Variants in PDE1C observed in about 807,000 individuals in gnomAD.
PDE1C encodes phosphodiesterase 1C.
A neutral mutation model predicts 93.1 loss-of-function variants in PDE1C; 62 were observed. That is an observed-to-expected ratio of 0.67 (90% CI 0.54 to 0.82). PDE1C has a LOEUF of 0.82. Among genes scored for constraint, PDE1C ranks in the 40% least tolerant of loss-of-function variants. The pLI is 0.00. For synonymous variants in PDE1C, 325 were observed against 310.1 expected, an observed-to-expected ratio of 1.05 and a Z score of -0.50; for missense variants, 742 against 884.6, an observed-to-expected ratio of 0.84 and a Z score of 2.04.
At chr7:32,325,404 C>T (rs1470649541) in intron 1 of PDE1C, among the ~76,000 whole-genome samples, 1 of 152,168 alleles carries the variant, frequency 6.6e-6, no homozygotes, top group Non-Finnish European at 1.5e-5. Flanking sequence ...TGCTGTCTCC[C>T]TCTCCTCCTT....
At chr7:32,306,258 AC>A (rs1266382590) in intron 1 of PDE1C, among the ~76,000 whole-genome samples, 8 of 152,074 alleles carry the variant, frequency 5.3e-5, no homozygotes, top group Non-Finnish European at 8.8e-5. Flanking sequence ...ACGGGCTAAT[AC>A]CGTAAATTGG....
At chr7:31,798,272 T>C (rs1304393757) in intron 16 of PDE1C, among the ~76,000 whole-genome samples, 1 of 151,752 alleles carries the variant, frequency 6.6e-6, no homozygotes, top group African/African-American at 2.4e-5. Flanking sequence ...CTCTCCAGCA[T>C]AATCAACTCT....
intron 1 of PDE1C, among the ~76,000 whole-genome samples, chr7:32,335,830 G>A (rs2128078396): frequency 6.6e-6 from 1 of 152,194 alleles, no homozygotes; most frequent in African/African-American, 2.4e-5. Context: ...CTAGCCACAA[G>A]TGATCCTCCC....
chr7:32,330,433 A>C (rs1189826966), intron 1 of PDE1C, among the ~76,000 whole-genome samples: 1 of 152,264 alleles, frequency 6.6e-6, no homozygotes, highest in Non-Finnish European at 1.5e-5. Context: ...TGCTAAGCAC[A>C]GACTCTCCAA....
chr7:32,169,058 T>C (rs988597405), intron 3 of PDE1C, among the ~76,000 whole-genome samples: 6 of 152,132 alleles, frequency 3.9e-5, no homozygotes, highest in Non-Finnish European at 5.9e-5. Context: ...GGAAAAATGA[T>C]TGAGTCTTAA....
chr7:31,710,464 G>C, the PDE1C span, among the ~76,000 whole-genome samples: 6 of 152,204 alleles, frequency 3.9e-5, no homozygotes, highest in Admixed American at 3.9e-4. Context: ...GGCTGGTGTG[G>C]AAGGATTGGG....
intron 2 of PDE1C, among the ~76,000 whole-genome samples, chr7:31,916,726 A>G (rs767394610): frequency 6.6e-6 from 1 of 152,196 alleles, no homozygotes; most frequent in Non-Finnish European, 1.5e-5. Flanking sequence ...AAAAACTGAC[A>G]TTTGGGAGAG....
intron 2 of PDE1C, among the ~76,000 whole-genome samples, chr7:32,183,983 C>A (rs560084555): frequency 1.5e-3 from 223 of 152,244 alleles, no homozygotes; most frequent in Admixed American, 3.6e-3. Flanking sequence ...AAAAAGTGGG[C>A]AAAGGATATG....
intron 3 of PDE1C, among the ~76,000 whole-genome samples, chr7:32,162,038 C>A (rs765719310): frequency 6.6e-6 from 1 of 152,102 alleles, no homozygotes; most frequent in Non-Finnish European, 1.5e-5. Flanking sequence ...CCAGGTGTGT[C>A]CATCAGCAGA....
chr7:32,042,388 C>A (rs1179907711), intron 2 of PDE1C, among the ~76,000 whole-genome samples: 24 of 152,172 alleles, frequency 1.6e-4, no homozygotes, highest in Admixed American at 1.6e-3. Context: ...GTCTGAAAGG[C>A]CTGCCTTTAA....
chr7:32,295,246 C>T (rs1812555098), intron 1 of PDE1C, among the ~76,000 whole-genome samples: 1 of 152,174 alleles, frequency 6.6e-6, no homozygotes, highest in African/African-American at 2.4e-5. Context: ...GATCCCTCTG[C>T]TGCAGAATGA....
the PDE1C span, among the ~76,000 whole-genome samples, chr7:31,631,054 T>C: frequency 6.6e-6 from 1 of 152,190 alleles, no homozygotes. Context: ...TCAATAACTA[T>C]TGAAGAAATT....
Position 31,879,105 on chromosome 7 carries a change from G to C in PDE1C, c.316C>G (p.Leu106Val). Residue 106 changes from leucine (L) to valine (V), a missense_variant, in exon 4 of 18, where the codon CTG becomes GTG. Leu to Val is a conservative substitution (Grantham distance 32). Transcript: ENST00000396191. ...ATCTGCCGCGTGAAGGTGGAGGCCA[G>C]CCAGTCTCGGACCTCAGAAGGCACA... is the stretch of plus-strand genomic sequence containing the variant. ...DAVPSEVRDWLASTFTRQMGM... is the reference protein window; with the variant it reads ...DAVPSEVRDWVASTFTRQMGM... 1 of 1,614,116 alleles carries C rather than the reference G, an allele frequency of 6.2e-7. No individual in the cohort carries two copies. Among genetic ancestry groups the C allele is most frequent in the Non-Finnish European group, 8.5e-7 (1 of 1,179,988 alleles).
the PDE1C span, among the ~76,000 whole-genome samples, chr7:31,659,916 C>T: frequency 6.6e-6 from 1 of 152,252 alleles, no homozygotes; most frequent in African/African-American, 2.4e-5. Context: ...TTGTAGTTCC[C>T]ATAATCCCCA....
At chr7:31,962,927 A>G (rs1183143936) in intron 2 of PDE1C, among the ~76,000 whole-genome samples, 1 of 152,202 alleles carries the variant, frequency 6.6e-6, no homozygotes, top group African/African-American at 2.4e-5. Context: ...TTCTGAAAAG[A>G]CACGTCTACC....
intron 2 of PDE1C, among the ~76,000 whole-genome samples, chr7:32,030,118 C>A (rs867403436): frequency 2.7e-5 from 4 of 148,886 alleles, no homozygotes; most frequent in Admixed American, 2.7e-4. Context: ...CACACACACA[C>A]ACACACAAAG....
At chr7:32,097,487 C>T (rs1248048511) in intron 3 of PDE1C, among the ~76,000 whole-genome samples, 1 of 152,158 alleles carries the variant, frequency 6.6e-6, no homozygotes, top group East Asian at 1.9e-4. Flanking sequence ...GTAAACTCTT[C>T]AGCAATTTTG....
At chr7:31,762,361 G>A (rs930927429) in intron 17 of PDE1C, among the ~76,000 whole-genome samples, 1 of 151,918 alleles carries the variant, frequency 6.6e-6, no homozygotes, top group Admixed American at 6.6e-5. Flanking sequence ...ATTTTTTTGA[G>A]ATGGAGTCTC....
intron 1 of PDE1C, among the ~76,000 whole-genome samples, chr7:32,341,699 T>C (rs1783761204): frequency 6.6e-6 from 1 of 152,098 alleles, no homozygotes; most frequent in African/African-American, 2.4e-5. Flanking sequence ...CAGTACTTTT[T>C]CCATATAAGC....
Sources: allele counts gnomAD v4.1 joint callset (sites outside exome capture counted in the v4.1 genomes callset), GRCh38; gene constraint gnomAD v4.1.1; transcripts MANE v1.5; gene names NCBI Gene and HGNC (gene_info 2026-07-23, HGNC 2026-07-21).